The following TCHP variants were observed in gnomAD, a reference collection of about 807,000 sequenced individuals.
TCHP encodes the protein trichoplein keratin filament binding.
Under a neutral mutation model 88.7 loss-of-function variants are expected in TCHP, and 81 were observed. The ratio of observed to expected loss-of-function variants is 0.91; its 90% CI spans 0.76 to 1.10. The LOEUF is 1.10. Ranked by LOEUF, TCHP falls within the 50% of genes least tolerant of loss-of-function variation. The probability of loss-of-function intolerance (pLI) is 0.00; values close to 1 mark genes in which losing one functional copy is unlikely to be tolerated. For missense variants in TCHP, 641 were observed against 632.1 expected (o/e 1.01, Z -0.15); for synonymous variants, 232 against 232.5 (o/e 1.00, Z 0.02).
the TCHP span, among the ~76,000 whole-genome samples, chr12:109,881,281 T>G: frequency 6.6e-6 from 1 of 152,180 alleles, no homozygotes; most frequent in Non-Finnish European, 1.5e-5. Context: ...ACATTCATCC[T>G]CTCCATTTAC....
upstream of TCHP, among the ~76,000 whole-genome samples, chr12:109,898,672 GGCT>G (rs1417241607): frequency 6.6e-6 from 1 of 152,212 alleles, no homozygotes; most frequent in Non-Finnish European, 1.5e-5. Flanking sequence ...CTGTCACTCA[GGCT>G]GGAGTGCAAT....
At chr12:109,901,659 T>C (rs1869804475) in intron 1 of TCHP, among the ~76,000 whole-genome samples, 1 of 152,258 alleles carries the variant, frequency 6.6e-6, no homozygotes, top group Non-Finnish European at 1.5e-5. Flanking sequence ...TTAGAGCCCC[T>C]GCACCTGGAA....
intron 12 of TCHP, 138 bp downstream of exon 12, chr12:109,915,684 G>A (rs1012254886): frequency 4.6e-6 from 5 of 1,096,762 alleles, no homozygotes; most frequent in Non-Finnish European, 6.4e-6. Context: ...CTCTTCTCTT[G>A]TATTTCTCTC....
chr12:109,914,985 C>G, intron 11 of TCHP: 1 of 397,032 alleles, frequency 2.5e-6, no homozygotes, highest in Non-Finnish European at 4.7e-6. Context: ...ACGAGGTACA[C>G]GCCACGCATA....
At chr12:109,887,241 G>T in the TCHP span, among the ~76,000 whole-genome samples, 1 of 151,882 alleles carries the variant, frequency 6.6e-6, no homozygotes, top group Non-Finnish European at 1.5e-5. Flanking sequence ...GGCCAACATG[G>T]TGAAACTCTG....
upstream of TCHP, among the ~76,000 whole-genome samples, chr12:109,899,414 C>T (rs1476599844): frequency 4.6e-5 from 7 of 151,998 alleles, no homozygotes; most frequent in African/African-American, 7.2e-5. Flanking sequence ...CTGAGGCAGG[C>T]GCATCACGAG....
intron 8 of TCHP, among the ~76,000 whole-genome samples, chr12:109,909,839 G>A (rs1370691396): frequency 2.6e-5 from 4 of 152,108 alleles, no homozygotes; most frequent in African/African-American, 7.2e-5. Flanking sequence ...GGTGGCAGGC[G>A]CCTTAATCCC....
Position 109,911,154 on chromosome 12 carries a change from A to G in TCHP, c.971A>G (p.Asp324Gly). The G allele has an allele frequency of 6.3e-7, 1 of 1,596,790 alleles. No homozygotes were observed. Among genetic ancestry groups the G allele is most frequent in the South Asian group, 1.1e-5 (1 of 87,906 alleles). Residue 324 changes from aspartate to glycine, a missense_variant, in exon 9 of 13, where the codon GAT (aspartate) becomes GGT (glycine). Physicochemically the swap from Asp to Gly is moderately conservative, Grantham distance 94 (BLOSUM62 -1). Transcript: ENST00000405876. Reference sequence around the variant, plus strand: ...GCCAGGCGGGAGCAGGTCATGGCCGATGTGGCCTGGATGAAGCAGGCCATT... The same window carrying G: ...GCCAGGCGGGAGCAGGTCATGGCCGGTGTGGCCTGGATGAAGCAGGCCATT... ...HLARREQVMA[D>G]VAWMKQAIEE...
At chr12:109,881,482 T>A in the TCHP span, among the ~76,000 whole-genome samples, 1 of 152,238 alleles carries the variant, frequency 6.6e-6, no homozygotes, top group Admixed American at 6.5e-5. Context: ...AAGTAACCAA[T>A]GGGAAACCTC....
the TCHP span, chr12:109,888,369 T>C: frequency 6.6e-6 from 1 of 152,242 alleles, no homozygotes; most frequent in African/African-American, 2.4e-5. Flanking sequence ...GTTGGGTCAC[T>C]GTACTTCTCC....
At chr12:109,912,275 C>T (rs1390896594) in intron 9 of TCHP, among the ~76,000 whole-genome samples, 1 of 152,208 alleles carries the variant, frequency 6.6e-6, no homozygotes, top group Admixed American at 6.5e-5. Flanking sequence ...GTCCTGACAT[C>T]CAGCCAAGTG....
At chr12:109,915,650 G>A (rs771983456) in intron 12 of TCHP, 104 bp downstream of exon 12, 118 of 1,320,328 alleles carry the variant, frequency 8.9e-5, no homozygotes, top group Non-Finnish European at 1.1e-4. Flanking sequence ...TCTGCTCTCC[G>A]GCCGTCCGGG....
In TCHP at chr12:109,907,707, CA is replaced by C. The variant is rs1565910490; in HGVS notation, c.699+10del. On this transcript the variant is annotated intron_variant, in intron 6 of 12. Coordinates refer to ENST00000405876, the MANE Select transcript of TCHP (RefSeq NM_001143852.2). Reference sequence around the variant, plus strand: ...AAGCTGAAGGAGGTGGAGGTGGGCACAAGCCCCTCTCAGCCGTGACCTCCTC... The same window carrying C: ...AAGCTGAAGGAGGTGGAGGTGGGCACAGCCCCTCTCAGCCGTGACCTCCTC... The C allele has an allele frequency of 6.3e-7, 1 of 1,578,510 alleles. No individual in the cohort carries two copies. Among genetic ancestry groups the C allele is most frequent in the Admixed American group, 1.9e-5 (1 of 52,832 alleles).
intron 1 of TCHP, 78 bp from the exon 2 acceptor site, chr12:109,902,949 C>T (rs1869886047): frequency 4.0e-6 from 5 of 1,256,570 alleles, no homozygotes; most frequent in Non-Finnish European, 5.5e-6. Flanking sequence ...GGTGACCACT[C>T]GTTAAAGGGA....
chr12:109,904,189 G>A (rs1184845478), intron 3 of TCHP, 42 bp downstream of exon 3: 3 of 1,527,676 alleles, frequency 2.0e-6, no homozygotes, highest in Non-Finnish European at 2.7e-6. Flanking sequence ...GAGCAGGAGT[G>A]TTCCCAGCCT....
the TCHP span, among the ~76,000 whole-genome samples, chr12:109,881,718 C>G: frequency 6.6e-6 from 1 of 152,210 alleles, no homozygotes. Flanking sequence ...AACCTGGACA[C>G]TTGTTTCCCA....
intron 4 of TCHP, 166 bp downstream of exon 4, chr12:109,904,959 G>A (rs989689627): frequency 4.6e-5 from 28 of 608,286 alleles, no homozygotes; most frequent in African/African-American, 4.1e-4. Flanking sequence ...TGCGCTGAGC[G>A]GCTCATTCGG....
the TCHP span, among the ~76,000 whole-genome samples, chr12:109,883,974 T>C: frequency 6.6e-6 from 1 of 152,040 alleles, no homozygotes; most frequent in Non-Finnish European, 1.5e-5. Context: ...GTGGGCTGAG[T>C]GTCACACAAT....
Position 109,911,092 on chromosome 12 carries a change from C to T in TCHP, c.909C>T (p.Leu303=). Residue 303 remains leucine (L), a synonymous_variant, in exon 9 of 13, where the codon CTC becomes CTT. Transcript: ENST00000405876. ...CAGACAGGCGGATCCTGCAGGCCCT[C>T]CTCGAGAAGGAGGACGAGAGCCAGC... ...LEADRRILQA[L]LEKEDESQRL... is the part of the protein sequence containing the mutation. 1 of 1,595,372 alleles carries T rather than the reference C, an allele frequency of 6.3e-7. No individual in the cohort carries two copies. Among genetic ancestry groups the T allele is most frequent in the Non-Finnish European group, 8.5e-7 (1 of 1,171,876 alleles).
Sources: allele counts gnomAD v4.1 joint callset (sites outside exome capture counted in the v4.1 genomes callset), GRCh38; gene constraint gnomAD v4.1.1; transcripts MANE v1.5; gene names NCBI Gene and HGNC (gene_info 2026-07-23, HGNC 2026-07-21).